The following TRPM3 variants were observed in gnomAD, a reference collection of about 807,000 sequenced individuals.
The protein encoded by TRPM3 is long transient receptor potential channel 3.
A neutral mutation model predicts 181.2 loss-of-function variants in TRPM3; 77 were observed. That is an observed-to-expected ratio of 0.42 (90% CI 0.35 to 0.51). The LOEUF (loss-of-function observed/expected upper bound fraction) is 0.51, where lower values mean the gene tolerates loss of function less well. Ranked by LOEUF, TRPM3 falls within the 20% of genes least tolerant of loss-of-function variation. The pLI is 0.01. For synonymous variants in TRPM3, 745 were observed against 796.4 expected, an observed-to-expected ratio of 0.94 and a Z score of 1.09; for missense variants, 1,759 against 2,196.7, an observed-to-expected ratio of 0.80 and a Z score of 3.98.
At position 71,332,214 on chromosome 9, in the gene TRPM3, C is replaced by T. The variant is rs373826693; in HGVS notation, c.183+114439G>A. 4.9e-4 allele frequency among the ~76,000 whole-genome samples: 75 copies of T among 151,804 alleles called. 1 individual carries two copies. In the South Asian group the frequency reaches 0.014, roughly 28 times the overall value. On this transcript the variant is annotated intron_variant, in intron 1 of 24. Transcript: ENST00000357533. ...ATACTTTAGAATTTTGCTGCACTTT[C>T]GAGTTTTTAAATATTATTTGTAGCT... is the stretch of plus-strand genomic sequence containing the variant.
At chr9:70,982,427 T>G (rs1163009719) in intron 1 of TRPM3, among the ~76,000 whole-genome samples, 1 of 152,192 alleles carries the variant, frequency 6.6e-6, no homozygotes, top group African/African-American at 2.4e-5. Flanking sequence ...TTCATCTTCT[T>G]CTCTCCTGGT....
intron 1 of TRPM3, among the ~76,000 whole-genome samples, chr9:70,974,436 G>A (rs2097280465): frequency 6.6e-6 from 1 of 152,136 alleles, no homozygotes; most frequent in African/African-American, 2.4e-5. Flanking sequence ...CTACTCGGGA[G>A]GCTGAGGCAG....
At chr9:71,311,688 C>G (rs571995068) in intron 1 of TRPM3, among the ~76,000 whole-genome samples, 1 of 151,980 alleles carries the variant, frequency 6.6e-6, no homozygotes, top group South Asian at 2.1e-4. Flanking sequence ...AAAAAAAAAT[C>G]TAGATCAGAG....
At chr9:71,115,217 T>C (rs142454521) in intron 1 of TRPM3, among the ~76,000 whole-genome samples, 1 of 141,748 alleles carries the variant, frequency 7.1e-6, no homozygotes, top group Admixed American at 7.1e-5. Context: ...CTATGGCAGC[T>C]TTTTTCAACG....
intron 1 of TRPM3, among the ~76,000 whole-genome samples, chr9:71,134,427 C>T (rs2074626867): frequency 6.6e-6 from 1 of 151,686 alleles, no homozygotes; most frequent in African/African-American, 2.4e-5. Context: ...TGGTGTGCAC[C>T]TGTAGTCCCA....
intron 1 of TRPM3, among the ~76,000 whole-genome samples, chr9:71,089,734 A>C (rs2065890084): frequency 6.6e-6 from 1 of 152,132 alleles, no homozygotes; most frequent in Admixed American, 6.6e-5. Context: ...ACCCAGAGAT[A>C]GAAGAAGCTC....
At chr9:71,437,386 A>C (rs2094058145) in intron 1 of TRPM3, among the ~76,000 whole-genome samples, 1 of 152,198 alleles carries the variant, frequency 6.6e-6, no homozygotes, top group Non-Finnish European at 1.5e-5. Context: ...TGCATTTTTA[A>C]ATGGTTAAAA....
rs2069346929 is a variant in TRPM3, at chr9:70,693,870, T to C, written c.1273-12292A>G. 2.0e-5 allele frequency among the ~76,000 whole-genome samples: 3 copies of C among 152,354 alleles called. No individual in the cohort carries two copies. In the South Asian group the frequency reaches 6.2e-4, roughly 32 times the overall value. ...AAGGGACCTTTGAGGGTACAAAAAA[T>C]AGCAGTTCGGATTTTCTGATTACTT... On this transcript the variant is annotated intron_variant, in intron 8 of 25. Transcript: ENST00000677713.
At chr9:71,191,698 G>C (rs184291175) in intron 1 of TRPM3, among the ~76,000 whole-genome samples, 1 of 151,382 alleles carries the variant, frequency 6.6e-6, no homozygotes, top group Non-Finnish European at 1.5e-5. Context: ...ATTTGGAGTA[G>C]TTCTTTTTAA....
At chr9:71,151,797 T>C (rs1451844117) in intron 1 of TRPM3, among the ~76,000 whole-genome samples, 1 of 152,130 alleles carries the variant, frequency 6.6e-6, no homozygotes, top group Non-Finnish European at 1.5e-5. Flanking sequence ...CAATTCTATA[T>C]GTGCTAATAT....
intron 1 of TRPM3, among the ~76,000 whole-genome samples, chr9:71,334,391 G>GA (rs763796746): frequency 6.6e-6 from 1 of 151,684 alleles, no homozygotes; most frequent in Non-Finnish European, 1.5e-5. Context: ...AAACCGCTAG[G>GA]AAAAAGAGAC....
intron 1 of TRPM3, among the ~76,000 whole-genome samples, chr9:70,888,434 T>C (rs1311429124): frequency 1.3e-5 from 2 of 150,144 alleles, no homozygotes; most frequent in Admixed American, 6.6e-5. Flanking sequence ...TTCTGGATAA[T>C]TAAGATAAAG....
chr9:71,244,420 A>C (rs914071236), intron 1 of TRPM3, among the ~76,000 whole-genome samples: 1 of 152,182 alleles, frequency 6.6e-6, no homozygotes, highest in Non-Finnish European at 1.5e-5. Context: ...TCCAGTGCTC[A>C]TACTCTCAGC....
At chr9:70,980,939 T>C (rs919015085) in intron 1 of TRPM3, among the ~76,000 whole-genome samples, 1 of 152,204 alleles carries the variant, frequency 6.6e-6, no homozygotes, top group African/African-American at 2.4e-5. Context: ...TATATTTATT[T>C]AAGGAATTGA....
At chr9:70,618,779 G>T in intron 17 of TRPM3, 88 bp downstream of exon 17, 1 of 1,082,172 alleles carries the variant, frequency 9.2e-7, no homozygotes, top group Non-Finnish European at 1.4e-6. Flanking sequence ...ATAAGAGGAT[G>T]CCCAATTCCA....
intron 8 of TRPM3, among the ~76,000 whole-genome samples, chr9:70,687,070 C>T (rs1419577864): frequency 3.3e-5 from 5 of 151,994 alleles, no homozygotes; most frequent in South Asian, 2.1e-4. Context: ...GTTGGGATCA[C>T]GGGTGTCAGC....
intron 1 of TRPM3, among the ~76,000 whole-genome samples, chr9:71,225,027 G>A (rs544660874): frequency 2.0e-5 from 3 of 152,140 alleles, no homozygotes; most frequent in South Asian, 4.2e-4. Flanking sequence ...GAGAGATAGG[G>A]GTAGAATGTT....
intron 1 of TRPM3, among the ~76,000 whole-genome samples, chr9:71,012,702 T>C (rs1329811729): frequency 6.6e-6 from 1 of 151,920 alleles, no homozygotes; most frequent in Non-Finnish European, 1.5e-5. Context: ...ATTCCTTTTG[T>C]TTTGTACCCA....
rs146067982 is a variant in TRPM3 at position 71,302,789 on chromosome 9, A to C, written c.183+143864T>G. On this transcript the variant is annotated intron_variant, in intron 1 of 24. Coordinates refer to the TRPM3 transcript ENST00000357533. Reference sequence around the variant, plus strand: ...ATATGGAATAAATATTCTAAAAAAAAAAAGGAAGGAAGGAAGAAAGAAGGA... The same window carrying C: ...ATATGGAATAAATATTCTAAAAAAACAAAGGAAGGAAGGAAGAAAGAAGGA... 2.9e-3 allele frequency among the ~76,000 whole-genome samples: 445 copies of C among 152,182 alleles called. 2 individuals carry two copies. The highest frequency in any genetic ancestry group is 4.9e-3 in the Non-Finnish European group (336 of 67,992).
Sources: gnomAD v4.1 joint callset for allele counts (sites outside exome capture counted in the v4.1 genomes callset) on GRCh38, gnomAD v4.1.1 for gene constraint, MANE v1.5 for transcripts, NCBI Gene and HGNC (gene_info 2026-07-23, HGNC 2026-07-21) for gene names.